The following FOXP2 variants were observed in gnomAD, a reference collection of about 807,000 sequenced individuals.
FOXP2 encodes forkhead box protein P2.
Under a neutral mutation model 115.8 loss-of-function variants are expected in FOXP2, and 12 were observed. The observed-to-expected ratio is 0.10, with a 90% confidence interval of 0.07 to 0.17. FOXP2 has a LOEUF of 0.17. Among genes scored for constraint, FOXP2 ranks in the 10% least tolerant of loss-of-function variants. FOXP2 has a pLI of 1.00. For synonymous variants in FOXP2, 328 were observed against 297.7 expected (o/e 1.10, Z -1.05); for missense variants, 629 against 843.5 (o/e 0.75, Z 3.15).
At chr7:114,595,730 A>C (rs1297046566) in intron 3 of FOXP2, among the ~76,000 whole-genome samples, 1 of 152,000 alleles carries the variant, frequency 6.6e-6, no homozygotes, top group Non-Finnish European at 1.5e-5. Flanking sequence ...GGAGTCAAAA[A>C]AGGTGTAAGG....
intron 2 of FOXP2, among the ~76,000 whole-genome samples, chr7:114,337,911 A>G (rs1797898723): frequency 6.6e-6 from 1 of 151,372 alleles, no homozygotes; most frequent in African/African-American, 2.4e-5. Context: ...ATTTAAAATG[A>G]TACAGGTTTG....
chr7:114,651,155 T>G (rs1806230588), intron 8 of FOXP2, among the ~76,000 whole-genome samples: 1 of 152,046 alleles, frequency 6.6e-6, no homozygotes, highest in Non-Finnish European at 1.5e-5. Flanking sequence ...CTTTTTAGAC[T>G]ATTATATCAT....
intron 2 of FOXP2, among the ~76,000 whole-genome samples, chr7:114,379,402 G>A (rs189335645): frequency 5.9e-5 from 9 of 152,274 alleles, no homozygotes; most frequent in African/African-American, 1.9e-4. Flanking sequence ...AATCCAGCTA[G>A]TCCTGTCTCT....
intron 2 of FOXP2, among the ~76,000 whole-genome samples, chr7:114,358,782 G>A (rs1398423134): frequency 6.6e-6 from 1 of 152,156 alleles, no homozygotes; most frequent in Non-Finnish European, 1.5e-5. Context: ...GTGTTCAAGA[G>A]GTGACTGGAG....
chr7:114,433,371 T>A (rs1794197551), intron 2 of FOXP2, among the ~76,000 whole-genome samples: 2 of 151,974 alleles, frequency 1.3e-5, no homozygotes. Flanking sequence ...AATACTTACC[T>A]GCCAAAAATC....
intron 2 of FOXP2, among the ~76,000 whole-genome samples, chr7:114,388,440 G>A (rs1316308288): frequency 1.3e-5 from 2 of 148,426 alleles, no homozygotes; most frequent in East Asian, 4.0e-4. Context: ...TAAAATCATA[G>A]ACCTTCTCAG....
chr7:114,144,180 G>A (rs1042961320), intron 1 of FOXP2, among the ~76,000 whole-genome samples: 7 of 152,104 alleles, frequency 4.6e-5, no homozygotes, highest in African/African-American at 7.2e-5. Flanking sequence ...ATTCAGCAAC[G>A]ATACCTTCAA....
intron 2 of FOXP2, among the ~76,000 whole-genome samples, chr7:114,341,580 A>G (rs1791218789): frequency 6.6e-6 from 1 of 151,244 alleles, no homozygotes; most frequent in Non-Finnish European, 1.5e-5. Context: ...AACAAATGCC[A>G]GTAGGTGTTG....
chr7:114,689,714 T>A, intron 16 of FOXP2, 68 bp from the exon 17 acceptor site: 1 of 1,574,096 alleles, frequency 6.4e-7, no homozygotes, highest in South Asian at 1.1e-5. Context: ...ACCTCTTCAC[T>A]GCAAAGTTGG....
chr7:114,391,520 C>T (rs980397881), intron 2 of FOXP2, among the ~76,000 whole-genome samples: 14 of 152,192 alleles, frequency 9.2e-5, no homozygotes, highest in African/African-American at 3.4e-4. Context: ...AAAGAAGCTT[C>T]ACTAGGGTAT....
intron 8 of FOXP2, among the ~76,000 whole-genome samples, chr7:114,651,461 A>G (rs1256909582): frequency 6.6e-6 from 1 of 152,118 alleles, no homozygotes; most frequent in Non-Finnish European, 1.5e-5. Context: ...CTTTTGGTGT[A>G]TTAACATACC....
intron 1 of FOXP2, among the ~76,000 whole-genome samples, chr7:114,240,936 T>C (rs1795136007): frequency 6.6e-6 from 1 of 152,076 alleles, no homozygotes; most frequent in South Asian, 2.1e-4. Context: ...TATTTTTCAG[T>C]GAGTTGTTGA....
At chr7:114,662,465 T>C (rs1385075655) in intron 14 of FOXP2, among the ~76,000 whole-genome samples, 1 of 152,094 alleles carries the variant, frequency 6.6e-6, no homozygotes. Flanking sequence ...GGAACATGCT[T>C]TCTAGAGAGA....
chr7:114,597,850 G>T (rs1802809085), intron 3 of FOXP2, among the ~76,000 whole-genome samples: 1 of 152,104 alleles, frequency 6.6e-6, no homozygotes, highest in South Asian at 2.1e-4. Context: ...AGCATAGTCA[G>T]TTTTTCTTTA....
chr7:114,330,641 T>C (rs1262498222), intron 2 of FOXP2, among the ~76,000 whole-genome samples: 1 of 151,830 alleles, frequency 6.6e-6, no homozygotes, highest in Non-Finnish European at 1.5e-5. Context: ...CTGGAGAAAC[T>C]TATATGAATC....
At chr7:114,551,242 C>T (rs1025644320) in intron 3 of FOXP2, among the ~76,000 whole-genome samples, 2 of 152,074 alleles carry the variant, frequency 1.3e-5, no homozygotes, top group African/African-American at 2.4e-5. Context: ...ACTAAATGCC[C>T]TCGGTATGTT....
intron 2 of FOXP2, among the ~76,000 whole-genome samples, chr7:114,453,143 A>G (rs1234248333): frequency 6.6e-6 from 1 of 152,110 alleles, no homozygotes; most frequent in Non-Finnish European, 1.5e-5. Flanking sequence ...ACTGTGACTA[A>G]TATGAAGGAA....
Position 114,415,335 on chromosome 7 carries a change from A to C in FOXP2, c.-36A>C, listed in dbSNP as rs757491616. On this transcript the variant is annotated 5_prime_UTR_variant, in exon 1 of 17. Coordinates refer to ENST00000350908, the MANE Select transcript of FOXP2 (RefSeq NM_014491.4). ...AACTCCTATGAAGTTGAAACCGGGA[A>C]GTTTGCTCTAACATTTCCAGAGAAG... 4 of 452,334 alleles carry C rather than the reference A, an allele frequency of 8.8e-6. No individual in the cohort carries two copies. Among genetic ancestry groups the C allele is most frequent in the South Asian group, 6.2e-5 (4 of 64,104 alleles). 28.0% of individuals were successfully genotyped at this position (452,334 alleles called of 1,614,324 possible).
At chr7:114,098,224 G>A (rs1292645559) in intron 1 of FOXP2, among the ~76,000 whole-genome samples, 1 of 152,136 alleles carries the variant, frequency 6.6e-6, no homozygotes, top group African/African-American at 2.4e-5. Flanking sequence ...TGTGCACAGT[G>A]TAAAGACATA....
Sources: gnomAD v4.1 joint callset for allele counts (sites outside exome capture counted in the v4.1 genomes callset) on GRCh38, gnomAD v4.1.1 for gene constraint, MANE v1.5 for transcripts, NCBI Gene and HGNC (gene_info 2026-07-23, HGNC 2026-07-21) for gene names.